The following DNAH12 variants were observed in gnomAD, a reference collection of about 807,000 sequenced individuals.
The protein encoded by DNAH12 is axonemal beta dynein heavy chain 12.
DNAH12 carries 285 observed loss-of-function variants against 371.5 expected under a neutral mutation model. The ratio of observed to expected loss-of-function variants is 0.77; its 90% CI spans 0.70 to 0.85. DNAH12 has a LOEUF of 0.85. DNAH12 is among the 40% of genes least tolerant of loss of function. The pLI, the probability that DNAH12 is intolerant of heterozygous loss-of-function variation, is 0.00. For synonymous variants in DNAH12, 1,200 were observed against 1,213.0 expected, an observed-to-expected ratio of 0.99 and a Z score of 0.22; for missense variants, 3,611 against 3,689.4, an observed-to-expected ratio of 0.98 and a Z score of 0.55.
chr3:57,475,738 C>A (rs1203232479), intron 13 of DNAH12, among the ~76,000 whole-genome samples: 1 of 152,224 alleles, frequency 6.6e-6, no homozygotes, highest in East Asian at 1.9e-4. Context: ...ATTGAAAATA[C>A]CATAACTTTC....
intron 2 of DNAH12, among the ~76,000 whole-genome samples, chr3:57,537,204 A>AT (rs919905730): frequency 2.6e-5 from 4 of 152,010 alleles, no homozygotes; most frequent in African/African-American, 9.7e-5. Flanking sequence ...AGAAAAAAAA[A>AT]AGAGGGGGTG....
At chr3:57,361,447 T>TAC (rs2062931636) in intron 58 of DNAH12, among the ~76,000 whole-genome samples, 1 of 126,450 alleles carries the variant, frequency 7.9e-6, no homozygotes, top group African/African-American at 3.3e-5. Context: ...ACACACACTA[T>TAC]ATATATATAT....
chr3:57,427,138 ATG>A (rs71088070), intron 34 of DNAH12, among the ~76,000 whole-genome samples: 7,867 of 138,672 alleles, frequency 0.057, 290 homozygotes, highest in East Asian at 0.11. Flanking sequence ...TAAGAAGCGA[ATG>A]TGTGTGTGTG....
At chr3:57,294,009 G>C in intron 73 of DNAH12, 38 bp from the exon 74 acceptor site, 1 of 1,400,734 alleles carries the variant, frequency 7.1e-7, no homozygotes, top group Non-Finnish European at 9.3e-7. Context: ...CTTGATAAAG[G>C]GAAAAACAGC....
chr3:57,328,406 A>G (rs2062002646), intron 62 of DNAH12, among the ~76,000 whole-genome samples: 1 of 133,476 alleles, frequency 7.5e-6, no homozygotes, highest in Non-Finnish European at 1.6e-5. Context: ...CTGGTTCAAT[A>G]TACTCAAATC....
intron 71 of DNAH12, 40 bp downstream of exon 71, chr3:57,296,806 TA>T (rs1559530372): frequency 1.4e-6 from 2 of 1,383,854 alleles, no homozygotes; most frequent in Non-Finnish European, 2.0e-6. Context: ...ATACATGACT[TA>T]ATGTAATGAT....
intron 43 of DNAH12, among the ~76,000 whole-genome samples, chr3:57,402,204 C>T (rs1020122426): frequency 1.1e-4 from 17 of 152,082 alleles, no homozygotes; most frequent in South Asian, 6.2e-4. Context: ...CTACCATTTC[C>T]GCCTAGAAGT....
rs576278951 is a variant in DNAH12, at chr3:57,429,846, TATAAA to T, written c.4981-77_4981-73del. The T allele has an allele frequency of 1.1e-4, 145 of 1,300,156 alleles. No individual in the cohort carries two copies. In the African/African-American group the frequency reaches 1.6e-3, roughly 14 times the overall value. The allele number at this position is 1,300,156 out of a possible 1,614,324, so 80.5% of individuals were successfully genotyped here. A position where few individuals can be genotyped will look rare whatever the true frequency, so the allele number is the denominator to read the frequency against. ...TTCTCAGATAAAAATTTATACTATGTATAAAATAAAGTAGCTCCTGTGATATAATG... is the reference window on the plus strand; with the variant it reads ...TTCTCAGATAAAAATTTATACTATGTATAAAGTAGCTCCTGTGATATAATG... On this transcript the variant is annotated intron_variant, in intron 32 of 73. Transcript: ENST00000495027.
At chr3:57,404,810 G>A (rs956019501) in intron 42 of DNAH12, among the ~76,000 whole-genome samples, 159 bp downstream of exon 42, 1 of 152,042 alleles carries the variant, frequency 6.6e-6, no homozygotes, top group African/African-American at 2.4e-5. Context: ...ACTATAACAG[G>A]GAATTTCAAA....
intron 69 of DNAH12, among the ~76,000 whole-genome samples, chr3:57,306,195 C>T (rs1199022625): frequency 6.6e-6 from 1 of 152,298 alleles, no homozygotes; most frequent in East Asian, 1.9e-4. Flanking sequence ...TAAACCATCA[C>T]GGATGCCAAG....
chr3:57,453,945 T>TA (rs1225681095), intron 23 of DNAH12, among the ~76,000 whole-genome samples: 1 of 152,022 alleles, frequency 6.6e-6, no homozygotes, highest in African/African-American at 2.4e-5. Flanking sequence ...CCTGTCTCTA[T>TA]AAAAAAATTT....
At chr3:57,408,256 A>T in intron 40 of DNAH12, 24 bp downstream of exon 40, 1 of 1,500,140 alleles carries the variant, frequency 6.7e-7, no homozygotes, top group Non-Finnish European at 8.9e-7. Flanking sequence ...ATACTAAAAC[A>T]TTTACATTGC....
intron 8 of DNAH12, among the ~76,000 whole-genome samples, chr3:57,506,422 T>A (rs1430074373): frequency 6.6e-6 from 1 of 152,118 alleles, no homozygotes; most frequent in South Asian, 2.1e-4. Context: ...ATTTGTTTAT[T>A]CATTTATTTA....
At chr3:57,353,701 A>G (rs1486652834) in intron 59 of DNAH12, among the ~76,000 whole-genome samples, 3 of 152,224 alleles carry the variant, frequency 2.0e-5, no homozygotes, top group Admixed American at 2.0e-4. Context: ...TAACAACCCC[A>G]TTAAAAAGTA....
At chr3:57,308,083 C>G (rs1028173557) in intron 69 of DNAH12, among the ~76,000 whole-genome samples, 1 of 152,176 alleles carries the variant, frequency 6.6e-6, no homozygotes, top group Non-Finnish European at 1.5e-5. Flanking sequence ...GATTTGCCCC[C>G]GCCCAGGACT....
chr3:57,544,653 G>C (rs1189507094), upstream of DNAH12, among the ~76,000 whole-genome samples: 1 of 152,142 alleles, frequency 6.6e-6, no homozygotes, highest in African/African-American at 2.4e-5. Flanking sequence ...AGAGAATCAA[G>C]TCTTCAAATG....
chr3:57,493,005 AAAACAAACAAACAAAC>A (rs36148553), intron 11 of DNAH12, among the ~76,000 whole-genome samples: 3 of 150,504 alleles, frequency 2.0e-5, no homozygotes, highest in East Asian at 2.0e-4. Context: ...ACTCCATCTC[AAAACAAACAAACAAAC>A]AAACAAACAA....
chr3:57,395,142 G>A (rs2063710527), intron 43 of DNAH12, among the ~76,000 whole-genome samples: 1 of 152,026 alleles, frequency 6.6e-6, no homozygotes, highest in Admixed American at 6.5e-5. Flanking sequence ...TCAAGTTATT[G>A]TATCAATATA....
At position 57,535,276 on chromosome 3, in the gene DNAH12, A is replaced by G. The variant is rs1446007865; in HGVS notation, c.170+7425T>C. Among the ~76,000 whole-genome samples the G allele has an allele frequency of 3.3e-5, 5 of 152,204 alleles. 1 individual carries two copies. Among genetic ancestry groups the G allele is most frequent in the Non-Finnish European group, 7.3e-5 (5 of 68,030 alleles). ...TTGGAAACTTAATGCCTCTGTCCTC[A>G]TGAATGAATTAATGGGTTAATGAGG... is the stretch of plus-strand genomic sequence containing the variant. On this transcript the variant is annotated intron_variant, in intron 2 of 73. Transcript: ENST00000495027.
Sources: allele counts gnomAD v4.1 joint callset (sites outside exome capture counted in the v4.1 genomes callset), GRCh38; gene constraint gnomAD v4.1.1; transcripts MANE v1.5; gene names NCBI Gene and HGNC (gene_info 2026-07-23, HGNC 2026-07-21).